PPP1R13B: variants seen among roughly 807,000 people sequenced by gnomAD.
The protein encoded by PPP1R13B is protein phosphatase 1 regulatory subunit 13B.
PPP1R13B carries 44 observed loss-of-function variants against 119.8 expected under a neutral mutation model. That is an observed-to-expected ratio of 0.37 (90% CI 0.29 to 0.47). The LOEUF is 0.47. Among genes scored for constraint, PPP1R13B ranks in the 20% least tolerant of loss-of-function variants. PPP1R13B has a pLI of 0.99. For synonymous variants in PPP1R13B, 542 were observed against 561.5 expected (o/e 0.97, Z 0.49); for missense variants, 1,227 against 1,413.5 (o/e 0.87, Z 2.12).
At chr14:103,809,826 A>AATTTTT in intron 1 of PPP1R13B, among the ~76,000 whole-genome samples, 1 of 149,322 alleles carries the variant, frequency 6.7e-6, no homozygotes, top group South Asian at 2.2e-4. Context: ...CTTGTCTCAA[A>AATTTTT]ATTATTATTA....
chr14:103,848,609 T>A, upstream of PPP1R13B: 1 of 594,318 alleles, frequency 1.7e-6, no homozygotes, highest in Non-Finnish European at 2.1e-6. Context: ...ACAGAAGGCG[T>A]AAGCCGCCCT....
chr14:103,784,505 C>T (rs1487800467), intron 3 of PPP1R13B, among the ~76,000 whole-genome samples: 2 of 145,878 alleles, frequency 1.4e-5, no homozygotes, highest in African/African-American at 2.6e-5. Context: ...ATCCCTTGAA[C>T]TCCGGAGGTG....
rs748271281 is a variant in PPP1R13B, at chr14:103,742,188, G to C, written c.1424C>G (p.Ser475Trp). 6.2e-7 allele frequency: 1 copy of C among 1,605,162 alleles called. No homozygotes were observed. Among genetic ancestry groups the C allele is most frequent in the Non-Finnish European group, 8.5e-7 (1 of 1,179,948 alleles). The part of the protein sequence containing the change: ...YPSPTPLGPG[S>W]TSSLERRKEG... ...CTTCCTCCTTTCCAGGGAGCTTGTC[G>C]ACCCAGGACCCAGAGGTGTAGGACT... The change falls in exon 11 of 17, where the codon TCG becomes TGG. Residue 475 changes from serine (S) to tryptophan (W), a missense_variant. Transcript: ENST00000202556. The surrounding 1 kb of genome is among the most constrained non-coding windows in gnomAD (Gnocchi z 4.9).
At chr14:103,743,018 C>A in intron 9 of PPP1R13B, 195 bp from the exon 10 acceptor site, 3 of 609,002 alleles carry the variant, frequency 4.9e-6, no homozygotes, top group Non-Finnish European at 8.4e-6. Flanking sequence ...TGCACAAGAC[C>A]AAGGGACGGG....
chr14:103,802,896 A>G (rs2085934215), intron 1 of PPP1R13B, among the ~76,000 whole-genome samples: 1 of 152,236 alleles, frequency 6.6e-6, no homozygotes, highest in Non-Finnish European at 1.5e-5. Flanking sequence ...ATCACTCGCA[A>G]TAACCCTGTC....
chr14:103,804,142 A>G (rs2085965539), intron 1 of PPP1R13B: 1 of 752,032 alleles, frequency 1.3e-6, no homozygotes, highest in Non-Finnish European at 1.6e-6. Flanking sequence ...CCATAAGGAC[A>G]ATACTTGTGT....
At chr14:103,837,031 A>C (rs910491248) in intron 1 of PPP1R13B, among the ~76,000 whole-genome samples, 1 of 152,246 alleles carries the variant, frequency 6.6e-6, no homozygotes, top group African/African-American at 2.4e-5. Context: ...CTGAGTAAAA[A>C]GCAGGACACA....
At chr14:103,736,384 C>T (rs527650626) in intron 15 of PPP1R13B, 182 bp from the exon 16 acceptor site, 19 of 628,948 alleles carry the variant, frequency 3.0e-5, no homozygotes, top group Middle Eastern at 3.5e-4. Context: ...CTCCCCTGCC[C>T]GGCCCAGCTG....
chr14:103,783,224 G>T (rs1161819433), intron 3 of PPP1R13B, among the ~76,000 whole-genome samples: 5 of 149,890 alleles, frequency 3.3e-5, no homozygotes, highest in Non-Finnish European at 5.9e-5. Flanking sequence ...TTTTTTTTTA[G>T]ATATTATTGC....
chr14:103,837,057 C>G (rs1292305709), intron 1 of PPP1R13B, among the ~76,000 whole-genome samples: 2 of 152,182 alleles, frequency 1.3e-5, no homozygotes, highest in Non-Finnish European at 2.9e-5. Context: ...TCAACACAGA[C>G]AGAAATTACA....
At chr14:103,768,576 C>T (rs1392537678) in intron 4 of PPP1R13B, among the ~76,000 whole-genome samples, 2 of 151,984 alleles carry the variant, frequency 1.3e-5, no homozygotes, top group Non-Finnish European at 2.9e-5. Context: ...GGATTACAGG[C>T]GTGAGCCACT....
chr14:103,790,076 T>C (rs1056342702), intron 2 of PPP1R13B, among the ~76,000 whole-genome samples: 1 of 151,550 alleles, frequency 6.6e-6, no homozygotes, highest in African/African-American at 2.4e-5. Flanking sequence ...TAAAACCCTG[T>C]CTCTACTAAA....
chr14:103,848,811 G>C (rs1197160541), upstream of PPP1R13B, among the ~76,000 whole-genome samples: 5 of 152,196 alleles, frequency 3.3e-5, no homozygotes, highest in Admixed American at 1.3e-4. Flanking sequence ...GTGTTTGCGA[G>C]TGTGGACTTT....
intron 7 of PPP1R13B, among the ~76,000 whole-genome samples, chr14:103,752,691 C>T (rs1393496773): frequency 2.0e-5 from 3 of 152,036 alleles, no homozygotes; most frequent in Non-Finnish European, 2.9e-5. Context: ...TGCGCCACCA[C>T]GCCCAGCTAA....
At chr14:103,845,598 A>G (rs2087010751) in intron 1 of PPP1R13B, among the ~76,000 whole-genome samples, 1 of 152,220 alleles carries the variant, frequency 6.6e-6, no homozygotes, top group Non-Finnish European at 1.5e-5. Context: ...CGTGGAATAG[A>G]GGTAAGATGT....
chr14:103,734,582 C>T lies in PPP1R13B; in HGVS notation c.*572G>A, dbSNP rs2084040419. On this transcript the variant is annotated 3_prime_UTR_variant, in exon 17 of 17. Coordinates refer to ENST00000202556, the MANE Select transcript of PPP1R13B (RefSeq NM_015316.3). Reference sequence around the variant, plus strand: ...GGTGAACTGGAACAGGAAGCGGAACCCCCAAGGCGGCCGAGCAGAGTGGGT... The same window carrying T: ...GGTGAACTGGAACAGGAAGCGGAACTCCCAAGGCGGCCGAGCAGAGTGGGT... 6.6e-6 allele frequency: 3 copies of T among 456,504 alleles called. No individual in the cohort carries two copies. The highest frequency in any genetic ancestry group is 4.4e-6 in the Non-Finnish European group (1 of 226,810). The allele number at this position is 456,504 out of a possible 1,614,324, so 28.3% of individuals were successfully genotyped here. A position where few individuals can be genotyped will look rare whatever the true frequency, so the allele number is the denominator to read the frequency against.
At chr14:103,789,222 A>AT (rs144373317) in intron 2 of PPP1R13B, among the ~76,000 whole-genome samples, 2,390 of 150,994 alleles carry the variant, frequency 0.016, 65 homozygotes, top group African/African-American at 0.055. Flanking sequence ...TATTTTTGCA[A>AT]TTTTTTTTTT....
At chr14:103,802,278 A>C (rs2085918001) in intron 1 of PPP1R13B, among the ~76,000 whole-genome samples, 1 of 152,166 alleles carries the variant, frequency 6.6e-6, no homozygotes, top group African/African-American at 2.4e-5. Flanking sequence ...CACTGCAGTC[A>C]GGCCTGGGCA....
chr14:103,781,356 G>A (rs775780287), intron 3 of PPP1R13B, among the ~76,000 whole-genome samples: 6 of 152,134 alleles, frequency 3.9e-5, no homozygotes, highest in Non-Finnish European at 7.3e-5. Flanking sequence ...CTGGTCTAAG[G>A]TAAAAGTAGA....
Sources: gnomAD v4.1 joint callset for allele counts (sites outside exome capture counted in the v4.1 genomes callset) on GRCh38, gnomAD v4.1.1 for gene constraint, Gnocchi (gnomAD v3.1) non-coding constraint, MANE v1.5 for transcripts, NCBI Gene and HGNC (gene_info 2026-07-23, HGNC 2026-07-21) for gene names.